MICALL2: variants seen among roughly 807,000 people sequenced by gnomAD.
The protein encoded by MICALL2 is MICAL like 2.
Under a neutral mutation model 91.1 loss-of-function variants are expected in MICALL2, and 111 were observed. That is an observed-to-expected ratio of 1.22 (90% CI 1.04 to 1.43). The LOEUF is 1.43. MICALL2 is among the 40% of genes most tolerant of loss of function. MICALL2 has a pLI of 0.00. For missense variants in MICALL2, 1,556 were observed against 1,236.0 expected, an observed-to-expected ratio of 1.26 and a Z score of -3.88; for synonymous variants, 694 against 525.3, an observed-to-expected ratio of 1.32 and a Z score of -4.39.
intron 13 of MICALL2, 40 bp from the exon 14 acceptor site, chr7:1,437,648 C>A (rs1342045605): frequency 6.5e-7 from 1 of 1,530,056 alleles, no homozygotes; most frequent in Non-Finnish European, 8.8e-7. Context: ...ACTCTGCCGC[C>A]CTGTCCCCCG....
At chr7:1,448,535 C>G (rs1780696572) in intron 3 of MICALL2, 85 bp downstream of exon 3, 1 of 1,420,712 alleles carries the variant, frequency 7.0e-7, no homozygotes, top group Non-Finnish European at 9.9e-7. Context: ...TGGGCATGGA[C>G]CCCAAAAAGT....
rs761892504 is a variant in MICALL2, at chr7:1,440,620, C to T, written c.1776G>A (p.Lys592=). The change falls in exon 8 of 17, where the codon AAG becomes AAA. Residue 592 remains lysine, a synonymous_variant. Transcript: ENST00000297508. ...CAGCTGGGCTTCTCCTGTCCACGGG[C>T]TTCAGATTCGCTCTCCATCCTGCCG... The part of the protein sequence containing the change: ...DGPAGWRANL[K]PVDRRSPAER... 1 of 1,612,808 alleles carries T rather than the reference C, an allele frequency of 6.2e-7. No individual in the cohort carries two copies. Among genetic ancestry groups the T allele is most frequent in the East Asian group, 2.2e-5 (1 of 44,876 alleles).
chr7:1,439,933 C>A lies in MICALL2; in HGVS notation c.1958G>T (p.Ser653Ile). The A allele has an allele frequency of 6.8e-7, 1 of 1,469,396 alleles. No homozygotes were observed. Among genetic ancestry groups the A allele is most frequent in the South Asian group, 1.4e-5 (1 of 69,018 alleles). 91.0% of individuals were successfully genotyped at this position (1,469,396 alleles called of 1,614,324 possible). A position where few individuals can be genotyped will look rare whatever the true frequency, so the allele number is the denominator to read the frequency against. ...GTCCCGTCCAGGAGTACCTGGGAGGCTGGGTCCTGGGCTGGCTGGGCGTGG... is the reference window on the plus strand; with the variant it reads ...GTCCCGTCCAGGAGTACCTGGGAGGATGGGTCCTGGGCTGGCTGGGCGTGG... ...RTPRPASPGPSLPARSPSPPR... is the reference protein window; with the variant it reads ...RTPRPASPGPILPARSPSPPR... Residue 653 changes from serine to isoleucine, a missense_variant, in exon 9 of 17, where the codon AGC (serine) becomes ATC (isoleucine). Coordinates refer to ENST00000297508, the MANE Select transcript of MICALL2 (RefSeq NM_182924.4).
rs758058241 is a variant in MICALL2, at chr7:1,450,248, T to C, written c.184A>G (p.Asn62Asp). The C allele has an allele frequency of 3.1e-6, 5 of 1,612,754 alleles. No homozygotes were observed. The East Asian group carries it at 1.1e-4, about 36-fold the overall frequency. Residue 62 changes from asparagine to aspartate, a missense_variant, in exon 2 of 17, where the codon AAT becomes GAT. Coordinates refer to ENST00000297508, the MANE Select transcript of MICALL2 (RefSeq NM_182924.4). ...GGGCGGGGGCCACTCACCAGTTTAT[T>C]GTTTTCATAAATATTTTCCTTCTTG... ...ALKKENIYEN[N>D]KLAFRVAEEH...
At chr7:1,453,733 G>A (rs1195601312) in intron 1 of MICALL2, among the ~76,000 whole-genome samples, 1 of 151,996 alleles carries the variant, frequency 6.6e-6, no homozygotes, top group Non-Finnish European at 1.5e-5. Context: ...CATCCTCCAG[G>A]GTTTAATCTT....
Position 1,439,984 on chromosome 7 carries a change from A to C in MICALL2, c.1907T>G (p.Leu636Arg). 1 of 1,534,298 alleles carries C rather than the reference A, an allele frequency of 6.5e-7. No individual in the cohort carries two copies. Among genetic ancestry groups the C allele is most frequent in the Non-Finnish European group, 8.7e-7 (1 of 1,151,970 alleles). The change falls in exon 9 of 17, where the codon CTG (leucine) becomes CGG (arginine). Residue 636 changes from leucine to arginine, a missense_variant. Coordinates refer to ENST00000297508, the MANE Select transcript of MICALL2 (RefSeq NM_182924.4). ...GGTCCTGTCAGGCCTCACGGGGGTCAGGGTGATGTGGACACTCCCAGCAAA... is the reference window on the plus strand; with the variant it reads ...GGTCCTGTCAGGCCTCACGGGGGTCCGGGTGATGTGGACACTCCCAGCAAA... ...GSFAGSVHIT[L>R]TPVRPDRTPR...
In MICALL2 at chr7:1,435,852, C is replaced by G. The variant is rs923557544; in HGVS notation, c.2592-705G>C. Among the ~76,000 whole-genome samples the G allele has an allele frequency of 2.6e-5, 4 of 152,012 alleles. No individual in the cohort carries two copies. The South Asian group carries it at 6.2e-4, about 24-fold the overall frequency. On this transcript the variant is annotated intron_variant, in intron 15 of 16. Transcript: ENST00000297508. ...GGCGGATCACGAGGTCAGATCGAGA[C>G]CATCCTGGCTAACATGGGGAAACCC...
chr7:1,439,821 G>T (rs547181765), intron 9 of MICALL2, 104 bp downstream of exon 9: 1 of 1,026,984 alleles, frequency 9.7e-7, no homozygotes. Flanking sequence ...GCGCCTCTCC[G>T]CACACCCCAG....
rs1458516012 is a variant in MICALL2 at position 1,437,521 on chromosome 7, C to T, written c.2476+14G>A. 10 of 1,513,670 alleles carry T rather than the reference C, an allele frequency of 6.6e-6. No individual in the cohort carries two copies. Among genetic ancestry groups the T allele is most frequent in the Middle Eastern group, 2.1e-4 (1 of 4,662 alleles). The allele number at this position is 1,513,670 out of a possible 1,614,324, so 93.8% of individuals were successfully genotyped here. On this transcript the variant is annotated intron_variant, in intron 14 of 16. Coordinates refer to ENST00000297508, the MANE Select transcript of MICALL2 (RefSeq NM_182924.4). ...CCTGGCTGGGGCCCCTTGGCTGGCG[C>T]GCGGGGGACGCACCGGGCTTGGCCA... is the stretch of plus-strand genomic sequence containing the variant.
In MICALL2 at chr7:1,434,685, T is replaced by G; in HGVS notation, c.2639-13A>C. 1 of 1,544,012 alleles carries G rather than the reference T, an allele frequency of 6.5e-7. No individual in the cohort carries two copies. Among genetic ancestry groups the G allele is most frequent in the Non-Finnish European group, 8.7e-7 (1 of 1,149,462 alleles). On this transcript the variant is annotated splice_polypyrimidine_tract_variant and intron_variant, in intron 16 of 16. Transcript: ENST00000297508. ...TTCCTCTGGAGGCCTAGGGGACAGGTGGACAGTGAGGCCGTGCTCAACGCC... is the reference window on the plus strand; with the variant it reads ...TTCCTCTGGAGGCCTAGGGGACAGGGGGACAGTGAGGCCGTGCTCAACGCC...
At chr7:1,439,627 A>G (rs1780178666) in intron 9 of MICALL2, 3 of 337,092 alleles carry the variant, frequency 8.9e-6, no homozygotes, top group South Asian at 1.1e-4. Flanking sequence ...ACATGAACAG[A>G]CACATGGACA....
rs762885183 is a variant in MICALL2 at position 1,452,556 on chromosome 7, T to C, written c.144-2268A>G. On this transcript the variant is annotated intron_variant, in intron 1 of 16. Coordinates refer to ENST00000297508, the MANE Select transcript of MICALL2 (RefSeq NM_182924.4). This position sits in a 1 kb window ranked among gnomAD's most constrained non-coding sequence, Gnocchi z 6.2. ...GGGAGGGCAGTGTCACAAGTCTGTT[T>C]TTTCTCTAAACAAGCAGGAGGAGGA... 6.6e-6 allele frequency among the ~76,000 whole-genome samples: 1 copy of C among 152,120 alleles called. No individual in the cohort carries two copies. Among genetic ancestry groups the C allele is most frequent in the African/African-American group, 2.4e-5 (1 of 41,422 alleles).
At chr7:1,457,203 A>T (rs1781048667) in intron 1 of MICALL2, among the ~76,000 whole-genome samples, 1 of 152,044 alleles carries the variant, frequency 6.6e-6, no homozygotes, top group Non-Finnish European at 1.5e-5. Context: ...ACTGAACCCC[A>T]ACTGAAAGGC....
Position 1,442,251 on chromosome 7 carries a change from C to T in MICALL2, c.1652G>A (p.Gly551Asp). 1.2e-6 allele frequency: 2 copies of T among 1,612,858 alleles called. No homozygotes were observed. The highest frequency in any genetic ancestry group is 1.7e-6 in the Non-Finnish European group (2 of 1,179,930). ...CGGGGCCTCTGGCTTCGGCCTGGAGCCAGCACCCACCCTGCCGACCCCTGA... is the reference window on the plus strand; with the variant it reads ...CGGGGCCTCTGGCTTCGGCCTGGAGTCAGCACCCACCCTGCCGACCCCTGA... Reference protein sequence around the residue: ...ESSGVGRVGAGSRPKPEAPMA... With the variant: ...ESSGVGRVGADSRPKPEAPMA... The change falls in exon 7 of 17, where the codon GGC becomes GAC. Residue 551 changes from glycine to aspartate, a missense_variant. Transcript: ENST00000297508.
intron 1 of MICALL2, 57 bp downstream of exon 1, chr7:1,459,127 C>T (rs1740858163): frequency 2.6e-6 from 4 of 1,538,042 alleles, no homozygotes; most frequent in African/African-American, 1.4e-5. Context: ...GTTTCCCCGC[C>T]CGTGTCAGCG....
chr7:1,443,467 T>G (rs1175708804), intron 6 of MICALL2, among the ~76,000 whole-genome samples: 1 of 152,188 alleles, frequency 6.6e-6, no homozygotes, highest in Non-Finnish European at 1.5e-5. Flanking sequence ...GCTAAGTGAC[T>G]GTACTTGGTC....
chr7:1,450,241 A>AGTT lies in MICALL2; in HGVS notation c.188_190dup (p.Lys63_Leu64insGln). The AGTT allele has an allele frequency of 6.2e-7, 1 of 1,612,450 alleles. No homozygotes were observed. The highest frequency in any genetic ancestry group is 8.5e-7 in the Non-Finnish European group (1 of 1,179,720). On this transcript the variant is annotated inframe_insertion and splice_region_variant, in exon 2 of 17. Coordinates refer to ENST00000297508, the MANE Select transcript of MICALL2 (RefSeq NM_182924.4). Reference sequence around the variant, plus strand: ...GAGGCCGGGGCGGGGGCCACTCACCAGTTTATTGTTTTCATAAATATTTTC... The same window carrying AGTT: ...GAGGCCGGGGCGGGGGCCACTCACCAGTTGTTTATTGTTTTCATAAATATTTTC...
Position 1,447,706 on chromosome 7 carries a change from T to TC in MICALL2, c.393dup (p.Lys132GlufsTer35). ...TTGGCCGCCTGGACTGGAGCCTTCT[T>TC]CCCTGACGGCTCCTCCTCAGAGTCC... is the stretch of plus-strand genomic sequence containing the variant. On this transcript the variant is annotated frameshift_variant, in exon 4 of 17. Coordinates refer to ENST00000297508, the MANE Select transcript of MICALL2 (RefSeq NM_182924.4). LOFTEE classifies it high-confidence loss of function. The TC allele has an allele frequency of 2.5e-6, 4 of 1,578,216 alleles. No homozygotes were observed. The highest frequency in any genetic ancestry group is 1.3e-5 in the African/African-American group (1 of 74,312).
chr7:1,439,363 AAC>A (rs745981612), intron 9 of MICALL2: 4 of 247,000 alleles, frequency 1.6e-5, no homozygotes, highest in Non-Finnish European at 3.1e-5. Context: ...ACATTCATGA[AAC>A]AGATCCACAC....
Sources: allele counts gnomAD v4.1 joint callset (sites outside exome capture counted in the v4.1 genomes callset), GRCh38; gene constraint gnomAD v4.1.1; non-coding constraint Gnocchi (gnomAD v3.1); transcripts MANE v1.5; gene names NCBI Gene and HGNC (gene_info 2026-07-23, HGNC 2026-07-21).